GHR: variants seen among roughly 807,000 people sequenced by gnomAD.
GHR encodes GH receptor.
Under a neutral mutation model 67.1 loss-of-function variants are expected in GHR, and 35 were observed. The ratio of observed to expected loss-of-function variants is 0.52; its 90% CI spans 0.40 to 0.69. The LOEUF (loss-of-function observed/expected upper bound fraction) is 0.69, where lower values mean the gene tolerates loss of function less well. Among genes scored for constraint, GHR ranks in the 30% least tolerant of loss-of-function variants. The probability of loss-of-function intolerance (pLI) is 0.00; values close to 1 mark genes in which losing one functional copy is unlikely to be tolerated. For synonymous variants in GHR, 272 were observed against 269.1 expected (o/e 1.01, Z -0.10); for missense variants, 792 against 764.6 (o/e 1.04, Z -0.42).
intron 1 of GHR, among the ~76,000 whole-genome samples, chr5:42,560,049 A>T (rs371040737): frequency 6.6e-6 from 1 of 152,192 alleles, no homozygotes; most frequent in African/African-American, 2.4e-5. Flanking sequence ...TATTAACATC[A>T]TGCTTCTAAG....
At chr5:42,621,014 A>G (rs1358051157) in intron 2 of GHR, among the ~76,000 whole-genome samples, 2 of 151,988 alleles carry the variant, frequency 1.3e-5, no homozygotes, top group Non-Finnish European at 2.9e-5. Flanking sequence ...CCAAAATGTG[A>G]TTCTATTTAT....
chr5:42,465,608 G>A, intron 1 of GHR: 1 of 1,103,938 alleles, frequency 9.1e-7, no homozygotes, highest in Non-Finnish European at 1.4e-6. Flanking sequence ...AATGTATTTG[G>A]GGGACTCTGT....
chr5:42,675,500 G>C (rs1676305893), intron 3 of GHR, among the ~76,000 whole-genome samples: 1 of 152,134 alleles, frequency 6.6e-6, no homozygotes, highest in Non-Finnish European at 1.5e-5. Context: ...TTTCTAAGAT[G>C]ATTAAATGAA....
At chr5:42,657,395 C>A (rs913268977) in intron 3 of GHR, among the ~76,000 whole-genome samples, 2 of 152,084 alleles carry the variant, frequency 1.3e-5, no homozygotes, top group Non-Finnish European at 2.9e-5. Flanking sequence ...CTTTTTAATG[C>A]CAGAAATGAA....
chr5:42,547,689 A>T (rs1206143404), intron 1 of GHR, among the ~76,000 whole-genome samples: 1 of 152,136 alleles, frequency 6.6e-6, no homozygotes, highest in Non-Finnish European at 1.5e-5. Flanking sequence ...GGATGAGATG[A>T]GGGGACTAAA....
chr5:42,541,858 T>C (rs917495662), intron 1 of GHR, among the ~76,000 whole-genome samples: 1 of 152,080 alleles, frequency 6.6e-6, no homozygotes. Flanking sequence ...TGATATTTAC[T>C]GAAATGGCCT....
At chr5:42,456,608 A>T (rs998893455) in intron 1 of GHR, among the ~76,000 whole-genome samples, 1 of 152,208 alleles carries the variant, frequency 6.6e-6, no homozygotes, top group African/African-American at 2.4e-5. Flanking sequence ...TAAAAATTAA[A>T]CAAAGTAAAC....
chr5:42,698,608 A>G (rs1467850381), intron 5 of GHR, among the ~76,000 whole-genome samples: 1 of 152,158 alleles, frequency 6.6e-6, no homozygotes, highest in East Asian at 1.9e-4. Context: ...CTCCTCCACC[A>G]TAAGGCCTGT....
chr5:42,426,543 C>T (rs953955605), intron 1 of GHR, among the ~76,000 whole-genome samples: 1 of 152,140 alleles, frequency 6.6e-6, no homozygotes, highest in Non-Finnish European at 1.5e-5. Context: ...ATGAAAATAA[C>T]TTATATTTCT....
chr5:42,477,596 C>G (rs1441057168), intron 1 of GHR, among the ~76,000 whole-genome samples: 1 of 152,192 alleles, frequency 6.6e-6, no homozygotes, highest in African/African-American at 2.4e-5. Context: ...GAGATGGTAT[C>G]TCATAGTGGT....
chr5:42,612,080 A>T (rs1752918431), intron 2 of GHR, among the ~76,000 whole-genome samples: 1 of 152,184 alleles, frequency 6.6e-6, no homozygotes, highest in African/African-American at 2.4e-5. Flanking sequence ...TTATCTCTGT[A>T]TCTGCATGAT....
At chr5:42,573,136 C>T (rs1170372757) in intron 2 of GHR, among the ~76,000 whole-genome samples, 2 of 152,148 alleles carry the variant, frequency 1.3e-5, no homozygotes, top group Admixed American at 6.5e-5. Flanking sequence ...TGAGGATCTT[C>T]GTGTATTTGT....
chr5:42,517,806 A>T (rs1226940014), intron 1 of GHR, among the ~76,000 whole-genome samples: 3 of 151,292 alleles, frequency 2.0e-5, no homozygotes, highest in Non-Finnish European at 4.4e-5. Context: ...TGGCATTATT[A>T]AAACAACATG....
intron 2 of GHR, among the ~76,000 whole-genome samples, chr5:42,571,927 T>C (rs1269824833): frequency 6.6e-6 from 1 of 152,222 alleles, no homozygotes. Flanking sequence ...TGTCCACCTC[T>C]GGCTAGAGAC....
intron 1 of GHR, among the ~76,000 whole-genome samples, chr5:42,474,013 C>A (rs577637928): frequency 6.6e-6 from 1 of 151,832 alleles, no homozygotes; most frequent in South Asian, 2.1e-4. Context: ...CATGGCGAAA[C>A]CTTATCTCTA....
chr5:42,713,378 G>C (rs1413928654), intron 7 of GHR, 51 bp from the exon 8 acceptor site: 1 of 832,016 alleles, frequency 1.2e-6, no homozygotes, highest in Non-Finnish European at 2.1e-6. Flanking sequence ...AATGTAAACT[G>C]TGCTTCAACT....
At chr5:42,691,257 G>C (rs138123059) in intron 4 of GHR, among the ~76,000 whole-genome samples, 21 of 152,336 alleles carry the variant, frequency 1.4e-4, no homozygotes, top group Admixed American at 7.2e-4. Flanking sequence ...AGGAGGGTAA[G>C]TACAGCTTCA....
chr5:42,632,976 G>A (rs1170326202), intron 3 of GHR, among the ~76,000 whole-genome samples: 1 of 152,044 alleles, frequency 6.6e-6, no homozygotes, highest in African/African-American at 2.4e-5. Flanking sequence ...CCTCAACTAG[G>A]GTGCTGTGGT....
At chr5:42,649,448 T>G (rs1754907754) in intron 3 of GHR, among the ~76,000 whole-genome samples, 1 of 152,178 alleles carries the variant, frequency 6.6e-6, no homozygotes, top group Admixed American at 6.5e-5. Flanking sequence ...ACAAAATACC[T>G]TAATGAATTT....
Sources: allele counts gnomAD v4.1 joint callset (sites outside exome capture counted in the v4.1 genomes callset), GRCh38; gene constraint gnomAD v4.1.1; transcripts MANE v1.5; gene names NCBI Gene and HGNC (gene_info 2026-07-23, HGNC 2026-07-21).